LRP1B: variants seen among roughly 807,000 people sequenced by gnomAD.
LRP1B encodes the protein LDL receptor related protein 1B, also known as low-density lipoprotein receptor-related protein 1B.
Under a neutral mutation model 556.6 loss-of-function variants are expected in LRP1B, and 217 were observed. The ratio of observed to expected loss-of-function variants is 0.39; its 90% CI spans 0.35 to 0.44. The LOEUF (loss-of-function observed/expected upper bound fraction) is 0.44. Among genes scored for constraint, LRP1B ranks in the 20% least tolerant of loss-of-function variants. The pLI is 1.00. For synonymous variants in LRP1B, 2,047 were observed against 1,865.8 expected, an observed-to-expected ratio of 1.10 and a Z score of -2.50; for missense variants, 5,053 against 5,620.8, an observed-to-expected ratio of 0.90 and a Z score of 3.23.
At chr2:140,472,829 T>C (rs1687824829) in intron 60 of LRP1B, among the ~76,000 whole-genome samples, 1 of 152,104 alleles carries the variant, frequency 6.6e-6, no homozygotes, top group Admixed American at 6.6e-5. Context: ...GCTGTTGTTC[T>C]GAAAAGTCTC....
rs373685261 is a variant in LRP1B at position 140,981,281 on chromosome 2, TA to T, written c.2887+878del. 4.0e-4 allele frequency among the ~76,000 whole-genome samples: 61 copies of T among 152,040 alleles called. 3 individuals carry two copies. In the South Asian group the frequency reaches 7.1e-3, roughly 18 times the overall value. On this transcript the variant is annotated intron_variant, in intron 18 of 90. Coordinates refer to ENST00000389484, the MANE Select transcript of LRP1B (RefSeq NM_018557.3). ...AGAAAAATATAATAAACAGAAGGGT[TA>T]AAAAAACCTATTTTTCTACTATTAA...
intron 2 of LRP1B, among the ~76,000 whole-genome samples, chr2:141,712,083 G>C (rs1692381893): frequency 6.6e-6 from 1 of 152,046 alleles, no homozygotes; most frequent in Non-Finnish European, 1.5e-5. Flanking sequence ...AAAAAGGGAG[G>C]ACAGCCAAAT....
intron 1 of LRP1B, among the ~76,000 whole-genome samples, chr2:141,820,092 T>C (rs2105727898): frequency 6.6e-6 from 1 of 152,292 alleles, no homozygotes; most frequent in East Asian, 1.9e-4. Context: ...GTAAGGATTA[T>C]ACTATATAAA....
At chr2:141,785,077 A>T (rs1432018206) in intron 2 of LRP1B, among the ~76,000 whole-genome samples, 4 of 151,942 alleles carry the variant, frequency 2.6e-5, no homozygotes, top group South Asian at 2.1e-4. Context: ...TCACAGGAAA[A>T]AAACCTTTCT....
intron 3 of LRP1B, among the ~76,000 whole-genome samples, chr2:141,294,855 A>G (rs931003180): frequency 1.6e-4 from 25 of 151,928 alleles, no homozygotes; most frequent in Admixed American, 1.3e-4. Flanking sequence ...TCTATTTTCC[A>G]TAATTTTTGT....
chr2:141,624,250 G>A (rs895443603), intron 2 of LRP1B, among the ~76,000 whole-genome samples: 4 of 151,884 alleles, frequency 2.6e-5, no homozygotes, highest in African/African-American at 4.8e-5. Flanking sequence ...CCAGTCATAG[G>A]CATAATATTA....
chr2:141,250,837 C>T (rs958294755), intron 4 of LRP1B, among the ~76,000 whole-genome samples: 1 of 152,108 alleles, frequency 6.6e-6, no homozygotes, highest in African/African-American at 2.4e-5. Context: ...GGAAAAATAC[C>T]ACCCAATTGT....
chr2:142,104,721 C>A (rs565313324), intron 1 of LRP1B, among the ~76,000 whole-genome samples: 1 of 152,240 alleles, frequency 6.6e-6, no homozygotes, highest in Non-Finnish European at 1.5e-5. Context: ...GGGTCTCATT[C>A]CAGGAAATAG....
chr2:140,422,528 G>C (rs917520084), intron 66 of LRP1B, among the ~76,000 whole-genome samples: 1 of 152,108 alleles, frequency 6.6e-6, no homozygotes, highest in Non-Finnish European at 1.5e-5. Flanking sequence ...TAACAGAATG[G>C]AAAATATAGC....
chr2:141,835,580 G>T (rs1231760185), intron 1 of LRP1B, among the ~76,000 whole-genome samples: 1 of 151,692 alleles, frequency 6.6e-6, no homozygotes, highest in African/African-American at 2.4e-5. Flanking sequence ...ATAGAAGAGA[G>T]GTTGAATAAG....
At chr2:141,144,650 C>G (rs748482002) in intron 7 of LRP1B, among the ~76,000 whole-genome samples, 10 of 152,102 alleles carry the variant, frequency 6.6e-5, no homozygotes, top group Non-Finnish European at 1.0e-4. Flanking sequence ...ATTAAGTCAC[C>G]CTTCAGCTTT....
At chr2:142,083,127 T>C (rs1368164728) in intron 1 of LRP1B, among the ~76,000 whole-genome samples, 2 of 152,198 alleles carry the variant, frequency 1.3e-5, no homozygotes, top group Non-Finnish European at 2.9e-5. Flanking sequence ...CCATGCGGCA[T>C]AATGGTAAAC....
chr2:141,665,037 A>G (rs1690373175), intron 2 of LRP1B, among the ~76,000 whole-genome samples: 1 of 152,098 alleles, frequency 6.6e-6, no homozygotes, highest in Non-Finnish European at 1.5e-5. Flanking sequence ...AACAGAGAAC[A>G]CAGAAATAAG....
At chr2:140,554,309 T>A (rs114664389) in intron 43 of LRP1B, among the ~76,000 whole-genome samples, 3,220 of 152,186 alleles carry the variant, frequency 0.021, 90 homozygotes, top group African/African-American at 0.061. Flanking sequence ...AGTTTTATAT[T>A]TTTATTTTCT....
chr2:141,172,105 G>C (rs1680524240), intron 7 of LRP1B, among the ~76,000 whole-genome samples: 1 of 152,064 alleles, frequency 6.6e-6, no homozygotes, highest in Non-Finnish European at 1.5e-5. Context: ...GCTGTTCTAG[G>C]TTACTTGATA....
chr2:141,777,559 G>T (rs1037704824), intron 2 of LRP1B, among the ~76,000 whole-genome samples: 3 of 152,044 alleles, frequency 2.0e-5, no homozygotes, highest in Non-Finnish European at 4.4e-5. Context: ...GGGATTACAG[G>T]TGTGGGCCAC....
chr2:141,926,890 C>T (rs529847948), intron 1 of LRP1B, among the ~76,000 whole-genome samples: 6 of 151,994 alleles, frequency 3.9e-5, no homozygotes, highest in Admixed American at 1.3e-4. Flanking sequence ...TCTTCATAAA[C>T]CTTTACTGTA....
intron 3 of LRP1B, among the ~76,000 whole-genome samples, chr2:141,363,522 G>T (rs1457549191): frequency 6.6e-6 from 1 of 152,022 alleles, no homozygotes; most frequent in East Asian, 1.9e-4. Flanking sequence ...CTACCATGTT[G>T]TCTTAACCAT....
intron 2 of LRP1B, among the ~76,000 whole-genome samples, chr2:141,763,109 G>A (rs1203683218): frequency 2.0e-5 from 3 of 152,228 alleles, no homozygotes; most frequent in East Asian, 1.9e-4. Flanking sequence ...GAACAAAACC[G>A]ATAATAGGAG....
Sources: gnomAD v4.1 joint callset for allele counts (sites outside exome capture counted in the v4.1 genomes callset) on GRCh38, gnomAD v4.1.1 for gene constraint, MANE v1.5 for transcripts, NCBI Gene and HGNC (gene_info 2026-07-23, HGNC 2026-07-21) for gene names.